Variants in MYO3B observed in about 807,000 individuals in gnomAD.
The protein encoded by MYO3B is myosin-IIIb.
A neutral mutation model predicts 174.6 loss-of-function variants in MYO3B; 156 were observed. The observed-to-expected ratio is 0.89, with a 90% CI of 0.78 to 1.02. The LOEUF (loss-of-function observed/expected upper bound fraction) is 1.02, where lower values mean the gene tolerates loss of function less well. Ranked by LOEUF, MYO3B falls within the 50% of genes least tolerant of loss-of-function variation. The pLI, the probability that MYO3B is intolerant of heterozygous loss-of-function variation, is 0.00. For missense variants in MYO3B, 1,632 were observed against 1,639.4 expected (o/e 1.00, Z 0.08); for synonymous variants, 563 against 569.1 (o/e 0.99, Z 0.15).
chr2:170,636,136 T>G (rs1190827310), intron 32 of MYO3B, among the ~76,000 whole-genome samples: 1 of 152,210 alleles, frequency 6.6e-6, no homozygotes, highest in Non-Finnish European at 1.5e-5. Context: ...GTTACCTTAT[T>G]ATGAAGCATG....
At chr2:170,418,148 C>T (rs2094592805) in intron 22 of MYO3B, among the ~76,000 whole-genome samples, 1 of 152,174 alleles carries the variant, frequency 6.6e-6, no homozygotes, top group African/African-American at 2.4e-5. Flanking sequence ...AGCATATTGT[C>T]CCTAGTGAGT....
intron 7 of MYO3B, among the ~76,000 whole-genome samples, chr2:170,291,640 G>C (rs1359655555): frequency 1.3e-5 from 2 of 151,654 alleles, no homozygotes; most frequent in East Asian, 3.9e-4. Flanking sequence ...GCTTTTATTT[G>C]CCTGGGAAAG....
At chr2:170,597,026 T>C (rs1396648396) in intron 32 of MYO3B, among the ~76,000 whole-genome samples, 1 of 152,142 alleles carries the variant, frequency 6.6e-6, no homozygotes, top group African/African-American at 2.4e-5. Context: ...AATTCTGAGC[T>C]GTCCAACATT....
intron 27 of MYO3B, 32 bp downstream of exon 27, chr2:170,499,840 T>G (rs772822006): frequency 1.2e-6 from 2 of 1,606,872 alleles, no homozygotes; most frequent in Non-Finnish European, 1.7e-6. Context: ...AATACTGCCC[T>G]GGGTATTGGC....
At chr2:170,629,833 G>C (rs1259771124) in intron 32 of MYO3B, among the ~76,000 whole-genome samples, 1 of 152,182 alleles carries the variant, frequency 6.6e-6, no homozygotes, top group Non-Finnish European at 1.5e-5. Context: ...CTGCGCAACA[G>C]AGCGAGACTC....
At chr2:170,225,735 C>T (rs925148240) in intron 6 of MYO3B, among the ~76,000 whole-genome samples, 1 of 152,062 alleles carries the variant, frequency 6.6e-6, no homozygotes, top group African/African-American at 2.4e-5. Flanking sequence ...TAACCAGTAA[C>T]CTCAGGCAAG....
At chr2:170,495,585 A>G (rs1686811889) in intron 25 of MYO3B, among the ~76,000 whole-genome samples, 1 of 151,870 alleles carries the variant, frequency 6.6e-6, no homozygotes, top group Non-Finnish European at 1.5e-5. Flanking sequence ...GTTGCTAAAA[A>G]AAAAAACACC....
At chr2:170,321,244 C>T (rs2093823518) in intron 7 of MYO3B, among the ~76,000 whole-genome samples, 1 of 151,944 alleles carries the variant, frequency 6.6e-6, no homozygotes, top group Non-Finnish European at 1.5e-5. Context: ...AAGCTTTCCA[C>T]CCAAGAAATT....
At chr2:170,649,181 T>C (rs1698720281) in intron 32 of MYO3B, among the ~76,000 whole-genome samples, 1 of 65,948 alleles carries the variant, frequency 1.5e-5, no homozygotes, top group Non-Finnish European at 2.5e-5. Flanking sequence ...ATATTATATA[T>C]AAAATAATAT....
intron 32 of MYO3B, among the ~76,000 whole-genome samples, chr2:170,573,964 T>C (rs1017578533): frequency 3.3e-5 from 5 of 152,142 alleles, no homozygotes; most frequent in Admixed American, 6.5e-5. Flanking sequence ...AGTTGGAATA[T>C]GCCTTAGAAT....
At chr2:170,349,246 C>A (rs1160466162) in intron 8 of MYO3B, among the ~76,000 whole-genome samples, 1 of 152,158 alleles carries the variant, frequency 6.6e-6, no homozygotes. Flanking sequence ...TTCCTTCATG[C>A]TTTTATGTCA....
chr2:170,393,496 A>G (rs1038220611), intron 16 of MYO3B, among the ~76,000 whole-genome samples: 8 of 152,132 alleles, frequency 5.3e-5, no homozygotes, highest in African/African-American at 1.9e-4. Context: ...GTGATACATT[A>G]TGTCATAGTT....
chr2:170,310,665 CAAAA>C (rs746315736), intron 7 of MYO3B, among the ~76,000 whole-genome samples: 1 of 61,458 alleles, frequency 1.6e-5, no homozygotes, highest in African/African-American at 7.9e-5. Flanking sequence ...GACTCCATCT[CAAAA>C]AAAAAAAAAA....
At chr2:170,482,853 A>G (rs1198885824) in intron 25 of MYO3B, among the ~76,000 whole-genome samples, 1 of 152,242 alleles carries the variant, frequency 6.6e-6, no homozygotes, top group Non-Finnish European at 1.5e-5. Context: ...GCTAAAGAGA[A>G]CTTCTGTGAC....
At chr2:170,528,589 A>G (rs1001822448) in intron 30 of MYO3B, among the ~76,000 whole-genome samples, 3 of 152,038 alleles carry the variant, frequency 2.0e-5, no homozygotes, top group African/African-American at 7.2e-5. Context: ...TATTTTTGAT[A>G]GAGACGGAGT....
chr2:170,465,093 G>A (rs28454057), intron 24 of MYO3B, among the ~76,000 whole-genome samples: 2,250 of 151,450 alleles, frequency 0.015, 79 homozygotes, highest in Admixed American at 0.077. Context: ...GTCCGGTCTC[G>A]AACTCCTGAC....
intron 25 of MYO3B, among the ~76,000 whole-genome samples, chr2:170,497,859 C>T (rs571000672): frequency 2.0e-4 from 30 of 147,312 alleles, no homozygotes; most frequent in African/African-American, 6.5e-4. Context: ...GCAGGAGAAT[C>T]GCTTGAACCC....
chr2:170,296,189 C>T (rs1182984359), intron 7 of MYO3B, among the ~76,000 whole-genome samples: 1 of 152,184 alleles, frequency 6.6e-6, no homozygotes, highest in Non-Finnish European at 1.5e-5. Flanking sequence ...CTAAAGTTCC[C>T]ACCCTGATGA....
chr2:170,576,831 C>T lies in MYO3B; in HGVS notation c.3733+32843C>T, dbSNP rs142168508. Among the ~76,000 whole-genome samples the T allele has an allele frequency of 1.8e-3, 269 of 152,242 alleles. 1 individual carries two copies. The highest frequency in any genetic ancestry group is 6.1e-3 in the African/African-American group (254 of 41,546). ...TCTTTGCCTGGCAAGGTGAGCCTAG[C>T]CTCATTCCTGAAGGGTCTGAATCAC... is the stretch of plus-strand genomic sequence containing the variant. On this transcript the variant is annotated intron_variant, in intron 32 of 34. Transcript: ENST00000408978.
Sources: gnomAD v4.1 joint callset for allele counts (sites outside exome capture counted in the v4.1 genomes callset) on GRCh38, gnomAD v4.1.1 for gene constraint, MANE v1.5 for transcripts, NCBI Gene and HGNC (gene_info 2026-07-23, HGNC 2026-07-21) for gene names.